Variants in TMC6 observed in about 807,000 individuals in gnomAD.
The protein encoded by TMC6 is transmembrane channel-like protein 6.
In TMC6, 71 loss-of-function variants were observed where a neutral mutation model predicts 95.4. The observed-to-expected ratio is 0.74, with a 90% CI of 0.61 to 0.91. The LOEUF is 0.91. TMC6 is among the 40% of genes least tolerant of loss of function. The probability of loss-of-function intolerance (pLI) is 0.00; values close to 1 mark genes in which losing one functional copy is unlikely to be tolerated. For missense variants in TMC6, 1,074 were observed against 1,079.1 expected, an observed-to-expected ratio of 1.00 and a Z score of 0.07; for synonymous variants, 514 against 483.1, an observed-to-expected ratio of 1.06 and a Z score of -0.84.
chr17:78,124,664 A>G lies in TMC6; in HGVS notation c.751T>C (p.Phe251Leu). 2.5e-6 allele frequency: 4 copies of G among 1,610,804 alleles called. No homozygotes were observed. The South Asian group carries it at 4.4e-5, about 18-fold the overall frequency. The change falls in exon 8 of 20, where the codon TTT (phenylalanine) becomes CTT (leucine). Residue 251 changes from phenylalanine (F) to leucine (L), a missense_variant. Coordinates refer to ENST00000590602, the MANE Select transcript of TMC6 (RefSeq NM_001127198.5). ...TTGAAAGCCAGCAGGGTCTTGAGAA[A>G]GAGGAAGTAGGAGAGCACGCTGGAG... Reference protein sequence around the residue: ...FGSSVLSYFLFLKTLLAFNAL... With the variant: ...FGSSVLSYFLLLKTLLAFNAL...
rs1363662947 is a variant in TMC6 at position 78,108,722 on chromosome 17, A to T, written c.*4426T>A. ...CCTGGGTGTCCAGGGCACCATTTCC[A>T]CCCATGGGTGAAAAAGAGGCTTGAG... is the stretch of plus-strand genomic sequence containing the variant. On this transcript the variant is annotated 3_prime_UTR_variant, in exon 20 of 20. Transcript: ENST00000590602. 2 of 153,994 alleles carry T rather than the reference A, an allele frequency of 1.3e-5. No individual in the cohort carries two copies. The highest frequency in any genetic ancestry group is 4.8e-5 in the African/African-American group (2 of 41,434). The allele number at this position is 153,994 out of a possible 1,614,324, so 9.5% of individuals were successfully genotyped here. A position where few individuals can be genotyped will look rare whatever the true frequency, so the allele number is the denominator to read the frequency against.
In TMC6 at chr17:78,125,845, C is replaced by G. The variant is rs1406614435; in HGVS notation, c.311G>C (p.Arg104Pro). Residue 104 changes from arginine to proline, a missense_variant, in exon 5 of 20, where the codon CGC (arginine) becomes CCC (proline). Arg to Pro is a moderately radical substitution (Grantham distance 103, BLOSUM62 -2). Transcript: ENST00000590602. ...RGAIISQYYNRTVQLRCRSSR... is the reference protein window; with the variant it reads ...RGAIISQYYNPTVQLRCRSSR... ...GCTCCTGCACCGAAGCTGCACCGTG[C>G]GGTTGTAGTACTGGGAGATGATGGC... is the stretch of plus-strand genomic sequence containing the variant. 1.9e-6 allele frequency: 3 copies of G among 1,552,162 alleles called. No homozygotes were observed. The highest frequency in any genetic ancestry group is 2.6e-6 in the Non-Finnish European group (3 of 1,147,786).
upstream of TMC6, among the ~76,000 whole-genome samples, chr17:78,129,515 C>T (rs894268717): frequency 6.6e-6 from 1 of 152,170 alleles, no homozygotes; most frequent in African/African-American, 2.4e-5. The surrounding 1 kb of genome is among the most constrained non-coding windows in gnomAD (Gnocchi z 4.3). Context: ...TACCCCCCAC[C>T]CCAAGCCCAT....
intron 18 of TMC6, among the ~76,000 whole-genome samples, chr17:78,116,188 G>A (rs2074101247): frequency 6.6e-6 from 1 of 151,820 alleles, no homozygotes; most frequent in Non-Finnish European, 1.5e-5. Context: ...TGATGGTCAG[G>A]CTGGTCTCGA....
chr17:78,121,282 G>A lies in TMC6; in HGVS notation c.1384-118C>T. 1 of 1,476,384 alleles carries A rather than the reference G, an allele frequency of 6.8e-7. No individual in the cohort carries two copies. Among genetic ancestry groups the A allele is most frequent in the Middle Eastern group, 2.4e-4 (1 of 4,238 alleles). The allele number at this position is 1,476,384 out of a possible 1,614,324, so 91.5% of individuals were successfully genotyped here. A position where few individuals can be genotyped will look rare whatever the true frequency, so the allele number is the denominator to read the frequency against. On this transcript the variant is annotated intron_variant, in intron 11 of 19. Coordinates refer to ENST00000590602, the MANE Select transcript of TMC6 (RefSeq NM_001127198.5). This position sits in a 1 kb window ranked among gnomAD's most constrained non-coding sequence, Gnocchi z 5.6. ...TAGCACCTCCCTCCTCCAAGATCTGGCCCTCCCCAGGCCTCAAGTTCAAAC... is the reference window on the plus strand; with the variant it reads ...TAGCACCTCCCTCCTCCAAGATCTGACCCTCCCCAGGCCTCAAGTTCAAAC...
Position 78,126,506 on chromosome 17 carries a change from A to C in TMC6, c.181+18T>G. 6.2e-7 allele frequency: 1 copy of C among 1,612,850 alleles called. No individual in the cohort carries two copies. The highest frequency in any genetic ancestry group is 2.2e-5 in the East Asian group (1 of 44,862). On this transcript the variant is annotated intron_variant, in intron 3 of 19. Coordinates refer to ENST00000590602, the MANE Select transcript of TMC6 (RefSeq NM_001127198.5). Reference sequence around the variant, plus strand: ...CAAGTCTTGGTCCACACCACCCAGCATCCAGGCCTGAGCTCACCTGTCACC... The same window carrying C: ...CAAGTCTTGGTCCACACCACCCAGCCTCCAGGCCTGAGCTCACCTGTCACC...
At position 78,122,429 on chromosome 17, in the gene TMC6, C is replaced by A; in HGVS notation, c.1227+176G>T. The A allele has an allele frequency of 4.3e-6, 4 of 934,746 alleles. No individual in the cohort carries two copies. The highest frequency in any genetic ancestry group is 6.3e-6 in the Non-Finnish European group (4 of 637,040). The allele number at this position is 934,746 out of a possible 1,614,324, so 57.9% of individuals were successfully genotyped here. A position where few individuals can be genotyped will look rare whatever the true frequency, so the allele number is the denominator to read the frequency against. On this transcript the variant is annotated intron_variant, in intron 10 of 19. Coordinates refer to ENST00000590602, the MANE Select transcript of TMC6 (RefSeq NM_001127198.5). The surrounding 1 kb of genome is among the most constrained non-coding windows in gnomAD (Gnocchi z 4.9). ...GATGGGTGTGTGCCAGAGAAAAACT[C>A]AGGGCCTGCCCGTCACTGCAAGCAG...
upstream of TMC6, chr17:78,131,966 G>A (rs775692127): frequency 4.6e-6 from 7 of 1,521,338 alleles, no homozygotes; most frequent in Admixed American, 2.0e-5. Context: ...GGCGCCTGCG[G>A]GAGGCAGCGC....
In TMC6 at chr17:78,113,873, C is replaced by A. The variant is rs1184266872; in HGVS notation, c.2278-249G>T. 1.2e-5 allele frequency: 6 copies of A among 515,258 alleles called. No homozygotes were observed. The East Asian group carries it at 2.1e-4, about 18-fold the overall frequency. 31.9% of individuals were successfully genotyped at this position (515,258 alleles called of 1,614,324 possible). On this transcript the variant is annotated intron_variant, in intron 18 of 19. Coordinates refer to ENST00000590602, the MANE Select transcript of TMC6 (RefSeq NM_001127198.5). ...TGAAAAGGGAAATGTAATCAGCAGC[C>A]CAGAGCCAGCCTGACTCAATTTAAA...
Position 78,113,206 on chromosome 17 carries a change from C to T in TMC6, c.2360G>A (p.Gly787Glu). 1 of 1,554,372 alleles carries T rather than the reference C, an allele frequency of 6.4e-7. No individual in the cohort carries two copies. The highest frequency in any genetic ancestry group is 1.2e-5 in the South Asian group (1 of 84,272). The part of the protein sequence containing the change: ...RKEREERSRV[G>E]TTEEAAAPPA... ...GGGTGCCGCAGCCTCCTCGGTTGTCCCAACCCTGCCAGAAAGAGACATCAC... is the reference window on the plus strand; with the variant it reads ...GGGTGCCGCAGCCTCCTCGGTTGTCTCAACCCTGCCAGAAAGAGACATCAC... Residue 787 changes from glycine (G) to glutamate (E), a missense_variant, in exon 20 of 20, where the codon GGG becomes GAG. Transcript: ENST00000590602.
chr17:78,121,738 C>T lies in TMC6; in HGVS notation c.1228-27G>A. 1 of 1,558,458 alleles carries T rather than the reference C, an allele frequency of 6.4e-7. No homozygotes were observed. Among genetic ancestry groups the T allele is most frequent in the Non-Finnish European group, 8.6e-7 (1 of 1,156,430 alleles). On this transcript the variant is annotated intron_variant, in intron 10 of 19. Transcript: ENST00000590602. The surrounding 1 kb of genome is among the most constrained non-coding windows in gnomAD (Gnocchi z 5.6). ...TGCAGGCGGCACCGTGTCCCCGTCA[C>T]CCACACCAGAGCACGGGCACACGCA...
upstream of TMC6, chr17:78,131,858 G>A: frequency 6.8e-7 from 1 of 1,464,114 alleles, no homozygotes; most frequent in Non-Finnish European, 9.0e-7. Flanking sequence ...ACTCAGGGGC[G>A]CCCCTGTCAC....
intron 9 of TMC6, among the ~76,000 whole-genome samples, chr17:78,123,657 G>C (rs1294957275): frequency 6.8e-6 from 1 of 147,124 alleles, no homozygotes; most frequent in Non-Finnish European, 1.5e-5. Flanking sequence ...TGGGTGAATG[G>C]GTGGGTAGAT....
At chr17:78,114,983 G>A (rs1248327351) in intron 18 of TMC6, among the ~76,000 whole-genome samples, 1 of 152,208 alleles carries the variant, frequency 6.6e-6, no homozygotes, top group South Asian at 2.1e-4. Context: ...GCCCTACCTG[G>A]CCCCTGGGGG....
At chr17:78,128,947 A>C (rs556282183), upstream of TMC6, among the ~76,000 whole-genome samples, 150 of 151,974 alleles carry the variant, frequency 9.9e-4, 1 homozygote, top group African/African-American at 3.5e-3. This position sits in a 1 kb window ranked among gnomAD's most constrained non-coding sequence, Gnocchi z 4.0. Context: ...GGCTGGATTC[A>C]TTCCAGCCCC....
At chr17:78,115,529 A>G (rs937196413) in intron 18 of TMC6, among the ~76,000 whole-genome samples, 2 of 152,154 alleles carry the variant, frequency 1.3e-5, no homozygotes, top group Non-Finnish European at 2.9e-5. Flanking sequence ...CTCGGGGAGG[A>G]GGCCAGGCTG....
At chr17:78,116,024 G>A (rs924487440) in intron 18 of TMC6, among the ~76,000 whole-genome samples, 47 of 152,128 alleles carry the variant, frequency 3.1e-4, no homozygotes, top group African/African-American at 1.1e-3. Context: ...GACACAGCAT[G>A]AGGGCCTCAG....
intron 18 of TMC6, among the ~76,000 whole-genome samples, chr17:78,116,347 G>C (rs1324490692): frequency 2.7e-5 from 4 of 148,354 alleles, no homozygotes; most frequent in African/African-American, 1.0e-4. Context: ...CACAATCATA[G>C]CTCACTGCAG....
chr17:78,112,981 G>A lies in TMC6; in HGVS notation c.*167C>T, dbSNP rs757270156. The A allele has an allele frequency of 1.4e-6, 1 of 721,848 alleles. No homozygotes were observed. Among genetic ancestry groups the A allele is most frequent in the Non-Finnish European group, 2.4e-6 (1 of 424,646 alleles). 44.7% of individuals were successfully genotyped at this position (721,848 alleles called of 1,614,324 possible). On this transcript the variant is annotated 3_prime_UTR_variant, in exon 20 of 20. Transcript: ENST00000590602. The stretch of plus-strand genomic sequence containing the variant: ...CCCAGGCAGGGCAGAGTTCATTGGG[G>A]ATGCCCAAGCCGGATTCACCCACCC...
Sources: gnomAD v4.1 joint callset for allele counts (sites outside exome capture counted in the v4.1 genomes callset) on GRCh38, gnomAD v4.1.1 for gene constraint, Gnocchi (gnomAD v3.1) non-coding constraint, MANE v1.5 for transcripts, NCBI Gene and HGNC (gene_info 2026-07-23, HGNC 2026-07-21) for gene names.